The following ABCA10 variants were observed in gnomAD, a reference collection of about 807,000 sequenced individuals.
ABCA10 encodes ATP binding cassette subfamily A member 10.
A neutral mutation model predicts 187.5 loss-of-function variants in ABCA10; 169 were observed. That is an observed-to-expected ratio of 0.90 (90% CI 0.80 to 1.02). The LOEUF is 1.02. ABCA10 is among the 50% of genes least tolerant of loss of function. The pLI is 0.00. For missense variants in ABCA10, 1,727 were observed against 1,812.4 expected, an observed-to-expected ratio of 0.95 and a Z score of 0.86; for synonymous variants, 574 against 601.8, an observed-to-expected ratio of 0.95 and a Z score of 0.68.
intron 1 of ABCA10, among the ~76,000 whole-genome samples, chr17:69,243,501 C>T (rs1158734438): frequency 1.3e-5 from 2 of 152,164 alleles, no homozygotes; most frequent in Admixed American, 6.6e-5. Flanking sequence ...TACTATGTGG[C>T]CCATTTTTGA....
intron 1 of ABCA10, among the ~76,000 whole-genome samples, chr17:69,237,625 G>A (rs1229275571): frequency 6.6e-6 from 1 of 152,042 alleles, no homozygotes; most frequent in Non-Finnish European, 1.5e-5. Flanking sequence ...TCTTGACTGC[G>A]GCTAGTACAG....
At position 69,157,988 on chromosome 17, in the gene ABCA10, A is replaced by T. The variant is rs116232229; in HGVS notation, c.3364-1065T>A. Among the ~76,000 whole-genome samples the T allele has an allele frequency of 9.3e-3, 1,415 of 152,126 alleles. 16 individuals carry two copies. The highest frequency in any genetic ancestry group is 0.031 in the African/African-American group (1,301 of 41,564). On this transcript the variant is annotated intron_variant, in intron 27 of 38. Coordinates refer to ENST00000690296, the MANE Select transcript of ABCA10 (RefSeq NM_001377321.1). ...TAATGGTTTTATTTAAAATAAATTA[A>T]TCATTCTTAACAGAGGCTCACAGGC... is the stretch of plus-strand genomic sequence containing the variant.
In ABCA10 at chr17:69,193,940, T is replaced by C. The variant is rs2074480372; in HGVS notation, c.1395A>G (p.Glu465=). 2 of 1,611,722 alleles carry C rather than the reference T, an allele frequency of 1.2e-6. No individual in the cohort carries two copies. Among genetic ancestry groups the C allele is most frequent in the Non-Finnish European group, 1.7e-6 (2 of 1,178,600 alleles). The change falls in exon 13 of 39, where the codon GAA becomes GAG. Residue 465 remains glutamate, a synonymous_variant. Coordinates refer to ENST00000690296, the MANE Select transcript of ABCA10 (RefSeq NM_001377321.1). ...AAAATCCAATATTCTTTCTAATTTCTTCCATGTCAGTTATTTCAGAGAGTT... is the reference window on the plus strand; with the variant it reads ...AAAATCCAATATTCTTTCTAATTTCCTCCATGTCAGTTATTTCAGAGAGTT... ...NTQLSEITDM[E]EIRKNIGFCP... is the part of the protein sequence containing the mutation.
intron 20 of ABCA10, 29 bp downstream of exon 20, chr17:69,185,448 T>G: frequency 6.3e-7 from 1 of 1,581,916 alleles, no homozygotes. Flanking sequence ...TAATAAAAAC[T>G]CACACTAAAT....
intron 25 of ABCA10, among the ~76,000 whole-genome samples, chr17:69,170,678 G>T (rs145872894): frequency 6.6e-6 from 1 of 152,094 alleles, no homozygotes; most frequent in East Asian, 1.9e-4. Context: ...ACCCTAAAGG[G>T]TCTTACCCAT....
At chr17:69,164,552 T>G (rs149290367) in intron 26 of ABCA10, among the ~76,000 whole-genome samples, 1 of 152,186 alleles carries the variant, frequency 6.6e-6, no homozygotes, top group Non-Finnish European at 1.5e-5. Flanking sequence ...AAGCAATTTA[T>G]TGACACTAAG....
chr17:69,165,415 G>A (rs749299566), intron 25 of ABCA10, among the ~76,000 whole-genome samples: 1 of 152,148 alleles, frequency 6.6e-6, no homozygotes, highest in Non-Finnish European at 1.5e-5. Context: ...ATACAGTGAA[G>A]AATTAACTGA....
At chr17:69,244,035 T>C (rs1198389527) in intron 1 of ABCA10, among the ~76,000 whole-genome samples, 2 of 152,236 alleles carry the variant, frequency 1.3e-5, no homozygotes, top group African/African-American at 4.8e-5. Context: ...ATTGCCTAAG[T>C]GTTTGTATGA....
intron 35 of ABCA10, 69 bp downstream of exon 35, chr17:69,152,293 G>A: frequency 2.5e-6 from 4 of 1,582,044 alleles, no homozygotes; most frequent in Non-Finnish European, 3.4e-6. Context: ...AGCATCAGCT[G>A]TTCATAGCAA....
chr17:69,161,983 T>C (rs553335842), intron 27 of ABCA10, among the ~76,000 whole-genome samples: 2 of 152,146 alleles, frequency 1.3e-5, no homozygotes, highest in Admixed American at 1.3e-4. Context: ...GAGGAAAAAA[T>C]TCATCTCTTT....
intron 27 of ABCA10, among the ~76,000 whole-genome samples, chr17:69,161,927 T>A (rs1473697478): frequency 6.6e-6 from 1 of 152,160 alleles, no homozygotes; most frequent in Non-Finnish European, 1.5e-5. Context: ...AACAAGACAA[T>A]GTTGAAAATA....
chr17:69,194,516 G>T (rs545507375), intron 11 of ABCA10, 21 bp from the exon 12 acceptor site: 5 of 1,563,626 alleles, frequency 3.2e-6, no homozygotes, highest in Non-Finnish European at 4.4e-6. Flanking sequence ...ATAAAAAGTG[G>T]AAATTAGATT....
intron 16 of ABCA10, among the ~76,000 whole-genome samples, chr17:69,192,037 C>G (rs565892170): frequency 6.6e-6 from 1 of 152,234 alleles, no homozygotes; most frequent in South Asian, 2.1e-4. Flanking sequence ...TTAAAAATGT[C>G]GTATAGGCCG....
intron 25 of ABCA10, among the ~76,000 whole-genome samples, chr17:69,168,866 C>G (rs1347995780): frequency 2.0e-5 from 3 of 152,196 alleles, no homozygotes; most frequent in African/African-American, 7.2e-5. Context: ...GTGACTTGAT[C>G]CTCCTTGCCT....
At chr17:69,162,144 G>A (rs2074222700) in intron 27 of ABCA10, among the ~76,000 whole-genome samples, 1 of 152,180 alleles carries the variant, frequency 6.6e-6, no homozygotes. Flanking sequence ...TTGTGCCCAG[G>A]TTAGCAGAAG....
At chr17:69,234,564 G>A (rs1369780192) in intron 1 of ABCA10, 1 of 152,152 alleles carries the variant, frequency 6.6e-6, no homozygotes, top group Non-Finnish European at 1.5e-5. Flanking sequence ...CTAGGTCTTG[G>A]GATCCACTGG....
At chr17:69,177,971 A>ATATATATATATATATATATGTT (rs1480621345) in intron 22 of ABCA10, among the ~76,000 whole-genome samples, 817 of 56,244 alleles carry the variant, frequency 0.015, 39 homozygotes, top group South Asian at 0.028. Flanking sequence ...AAAAAAAAAA[A>ATATATATATATATATATATGTT]AAATATATAT....
chr17:69,238,563 T>G (rs939990587), intron 1 of ABCA10, among the ~76,000 whole-genome samples: 5 of 152,216 alleles, frequency 3.3e-5, no homozygotes, highest in Non-Finnish European at 7.3e-5. Flanking sequence ...CCTCTTACTC[T>G]GTCAGAGAGG....
intron 9 of ABCA10, among the ~76,000 whole-genome samples, chr17:69,206,034 T>C (rs1280622985): frequency 6.6e-6 from 1 of 152,194 alleles, no homozygotes; most frequent in African/African-American, 2.4e-5. Context: ...CTGGAGTTTC[T>C]ATCTTTATAG....
Sources: allele counts gnomAD v4.1 joint callset (sites outside exome capture counted in the v4.1 genomes callset), GRCh38; gene constraint gnomAD v4.1.1; transcripts MANE v1.5; gene names NCBI Gene and HGNC (gene_info 2026-07-23, HGNC 2026-07-21).